The following FARP1 variants were observed in gnomAD, a reference collection of about 807,000 sequenced individuals.
The protein encoded by FARP1 is FERM, ARHGEF and pleckstrin domain-containing protein 1.
FARP1 carries 52 observed loss-of-function variants against 128.8 expected under a neutral mutation model. That is an observed-to-expected ratio of 0.40 (90% CI 0.32 to 0.51). The LOEUF (loss-of-function observed/expected upper bound fraction) is 0.51, where lower values mean the gene tolerates loss of function less well. Among genes scored for constraint, FARP1 ranks in the 20% least tolerant of loss-of-function variants. FARP1 has a pLI of 0.45. For synonymous variants in FARP1, 580 were observed against 551.8 expected (o/e 1.05, Z -0.72); for missense variants, 1,333 against 1,367.9 (o/e 0.97, Z 0.40).
At chr13:98,398,597 T>G (rs916206344) in intron 13 of FARP1, 1 of 152,208 alleles carries the variant, frequency 6.6e-6, no homozygotes, top group Non-Finnish European at 1.5e-5. Flanking sequence ...AGACTAGTGA[T>G]CAAGTAGACT....
At chr13:98,311,631 C>G (rs1886463733) in intron 2 of FARP1, among the ~76,000 whole-genome samples, 1 of 152,026 alleles carries the variant, frequency 6.6e-6, no homozygotes, top group Non-Finnish European at 1.5e-5. Context: ...AATGCAATCC[C>G]AGCCGTATTC....
At chr13:98,379,233 T>G (rs1053188961) in intron 6 of FARP1, among the ~76,000 whole-genome samples, 1 of 124,874 alleles carries the variant, frequency 8.0e-6, no homozygotes, top group Non-Finnish European at 1.6e-5. Context: ...TCTATCTATA[T>G]ATAATCTATA....
intron 2 of FARP1, among the ~76,000 whole-genome samples, chr13:98,225,565 G>A (rs1877566807): frequency 6.6e-6 from 1 of 152,158 alleles, no homozygotes; most frequent in Non-Finnish European, 1.5e-5. Context: ...ATTTCTCTAA[G>A]GCAGACTTTC....
chr13:98,430,906 A>C (rs377399281), intron 17 of FARP1, 137 bp from the exon 18 acceptor site: 5 of 652,324 alleles, frequency 7.7e-6, no homozygotes, highest in Admixed American at 5.1e-5. Flanking sequence ...ACTATGAACA[A>C]TGTGAAATTT....
intron 2 of FARP1, among the ~76,000 whole-genome samples, chr13:98,225,233 G>A (rs1881689232): frequency 6.6e-6 from 1 of 152,146 alleles, no homozygotes; most frequent in Non-Finnish European, 1.5e-5. Flanking sequence ...GTCTGGTTTC[G>A]TGATCCAGTG....
At chr13:98,144,213 TG>T (rs941529586) in intron 1 of FARP1, among the ~76,000 whole-genome samples, 36 of 151,776 alleles carry the variant, frequency 2.4e-4, no homozygotes, top group Admixed American at 1.6e-3. Flanking sequence ...TGTGTGTGTG[TG>T]TGTGTGTGTG....
At chr13:98,320,538 T>C (rs1886944459) in intron 2 of FARP1, among the ~76,000 whole-genome samples, 1 of 152,162 alleles carries the variant, frequency 6.6e-6, no homozygotes, top group South Asian at 2.1e-4. Context: ...TAACACCTCA[T>C]GGAGATACTA....
chr13:98,279,800 A>T (rs1884843668), intron 2 of FARP1, among the ~76,000 whole-genome samples: 1 of 152,200 alleles, frequency 6.6e-6, no homozygotes, highest in Non-Finnish European at 1.5e-5. Flanking sequence ...TTGGACAAGA[A>T]TCAGTGATCC....
chr13:98,198,183 C>A (rs1211122936), intron 1 of FARP1, among the ~76,000 whole-genome samples: 1 of 152,194 alleles, frequency 6.6e-6, no homozygotes, highest in Admixed American at 6.5e-5. Context: ...AGGGGCTTGT[C>A]TGAGCCAGAA....
intron 1 of FARP1, among the ~76,000 whole-genome samples, chr13:98,153,980 T>C (rs1287677136): frequency 1.3e-5 from 2 of 152,220 alleles, no homozygotes; most frequent in Admixed American, 1.3e-4. Context: ...TAACCACCTG[T>C]CTTTGCTCTG....
chr13:98,318,116 G>C (rs1241584709), intron 2 of FARP1, among the ~76,000 whole-genome samples: 1 of 144,234 alleles, frequency 6.9e-6, no homozygotes, highest in Non-Finnish European at 1.5e-5. Context: ...TGTTACCCAG[G>C]CTGGGTGCAG....
chr13:98,315,957 C>T (rs1323634156), intron 2 of FARP1, among the ~76,000 whole-genome samples: 1 of 152,222 alleles, frequency 6.6e-6, no homozygotes, highest in East Asian at 1.9e-4. Flanking sequence ...TCAGGCCTCT[C>T]CCTCCTATGG....
At chr13:98,352,349 G>A (rs1366475858) in intron 3 of FARP1, among the ~76,000 whole-genome samples, 4 of 152,164 alleles carry the variant, frequency 2.6e-5, no homozygotes, top group Non-Finnish European at 4.4e-5. Context: ...AATGGGTAAG[G>A]CCTAACAGGG....
chr13:98,277,472 A>G (rs1224751887), intron 2 of FARP1, among the ~76,000 whole-genome samples: 1 of 152,196 alleles, frequency 6.6e-6, no homozygotes, highest in Non-Finnish European at 1.5e-5. Flanking sequence ...AAAGAAATAT[A>G]TTAATTAACA....
chr13:98,290,858 T>C (rs1885418216), intron 2 of FARP1, among the ~76,000 whole-genome samples: 1 of 152,144 alleles, frequency 6.6e-6, no homozygotes, highest in African/African-American at 2.4e-5. Context: ...AAAATGGAGT[T>C]GCCGTTTTCA....
chr13:98,304,073 AGG>A (rs891105463), intron 2 of FARP1, among the ~76,000 whole-genome samples: 1 of 152,076 alleles, frequency 6.6e-6, no homozygotes, highest in African/African-American at 2.4e-5. Context: ...ATTATTAGCG[AGG>A]TTGCTGAGAG....
chr13:98,176,730 C>G lies in FARP1; in HGVS notation c.-24+33238C>G. The G allele has an allele frequency of 1.9e-6, 3 of 1,614,158 alleles. No homozygotes were observed. Among genetic ancestry groups the G allele is most frequent in the East Asian group, 2.2e-5 (1 of 44,864 alleles). On this transcript the variant is annotated intron_variant, in intron 1 of 26. Coordinates refer to ENST00000319562, the MANE Select transcript of FARP1 (RefSeq NM_005766.4). The surrounding 1 kb of genome is among the most constrained non-coding windows in gnomAD (Gnocchi z 6.2). The stretch of plus-strand genomic sequence containing the variant: ...GTATGGGGCCCTTCCTCGCCATCCC[C>G]GAGGAGGAGTTGCCCATGGACGTGT...
chr13:98,396,534 C>CTTTAGG, intron 13 of FARP1: 1 of 399,072 alleles, frequency 2.5e-6, no homozygotes, highest in Admixed American at 4.4e-5. Flanking sequence ...CCTGGGGTCA[C>CTTTAGG]GAGACCAGGG....
intron 2 of FARP1, chr13:98,333,357 G>T (rs1887593140): frequency 6.6e-6 from 1 of 151,536 alleles, no homozygotes; most frequent in South Asian, 2.1e-4. Context: ...TGAAGAGCTG[G>T]ATTCTCCCCT....
Sources: gnomAD v4.1 joint callset for allele counts (sites outside exome capture counted in the v4.1 genomes callset) on GRCh38, gnomAD v4.1.1 for gene constraint, Gnocchi (gnomAD v3.1) non-coding constraint, MANE v1.5 for transcripts, NCBI Gene and HGNC (gene_info 2026-07-23, HGNC 2026-07-21) for gene names.